Variants in PCDH9 observed in about 807,000 individuals in gnomAD.
PCDH9 encodes protocadherin-9.
Under a neutral mutation model 70.6 loss-of-function variants are expected in PCDH9, and 24 were observed. The observed-to-expected ratio is 0.34, with a 90% CI of 0.25 to 0.48. The LOEUF is 0.48. Ranked by LOEUF, PCDH9 falls within the 20% of genes least tolerant of loss-of-function variation. PCDH9 has a pLI of 0.99. For missense variants in PCDH9, 1,281 were observed against 1,503.6 expected (o/e 0.85, Z 2.45); for synonymous variants, 562 against 558.5 (o/e 1.01, Z -0.09).
At chr13:67,220,833 A>G (rs1363554510) in intron 2 of PCDH9, 1 of 152,128 alleles carries the variant, frequency 6.6e-6, no homozygotes, top group African/African-American at 2.4e-5. Flanking sequence ...GTTATTAGCA[A>G]TGGAAGGCCA....
chr13:66,805,937 C>CAAA (rs2080402931), intron 3 of PCDH9, among the ~76,000 whole-genome samples: 2 of 151,602 alleles, frequency 1.3e-5, no homozygotes, highest in African/African-American at 4.9e-5. Context: ...CTCAGTAAAC[C>CAAA]ATCAATCAAC....
At chr13:66,540,695 C>G (rs1450119761) in intron 4 of PCDH9, among the ~76,000 whole-genome samples, 1 of 152,030 alleles carries the variant, frequency 6.6e-6, no homozygotes, top group African/African-American at 2.4e-5. Flanking sequence ...ACTGGTTGAC[C>G]CCCTTTGGGC....
At chr13:66,742,148 T>G (rs10459391) in intron 3 of PCDH9, among the ~76,000 whole-genome samples, 9,799 of 49,056 alleles carry the variant, frequency 0.2, 1,122 homozygotes, top group East Asian at 0.34. Flanking sequence ...AACAGAGATA[T>G]AGATCAATGG....
chr13:67,167,396 A>G (rs1328429899), intron 2 of PCDH9, among the ~76,000 whole-genome samples: 8 of 152,214 alleles, frequency 5.3e-5, no homozygotes, highest in Admixed American at 4.6e-4. Context: ...ATAAAAATCC[A>G]TAAGGATACT....
chr13:66,589,779 A>C (rs2077015386), intron 4 of PCDH9, among the ~76,000 whole-genome samples: 1 of 152,048 alleles, frequency 6.6e-6, no homozygotes, highest in Non-Finnish European at 1.5e-5. Flanking sequence ...ATAATACTGC[A>C]GTTGATTGAA....
At chr13:66,742,606 C>G (rs2079284420) in intron 3 of PCDH9, among the ~76,000 whole-genome samples, 1 of 129,406 alleles carries the variant, frequency 7.7e-6, no homozygotes, top group Non-Finnish European at 1.6e-5. Context: ...TGACAAAGGG[C>G]TAATATCCAG....
chr13:67,042,687 T>C (rs958577129), intron 2 of PCDH9, among the ~76,000 whole-genome samples: 1 of 152,192 alleles, frequency 6.6e-6, no homozygotes, highest in Non-Finnish European at 1.5e-5. Context: ...ATATTGCTTG[T>C]CTATTATGCA....
At chr13:67,019,048 A>C in intron 2 of PCDH9, among the ~76,000 whole-genome samples, 1 of 152,080 alleles carries the variant, frequency 6.6e-6, no homozygotes, top group East Asian at 1.9e-4. Context: ...TCATGTTATT[A>C]TTTTCTCAGA....
chr13:66,900,934 T>C (rs946054959), intron 3 of PCDH9, among the ~76,000 whole-genome samples: 1 of 151,734 alleles, frequency 6.6e-6, no homozygotes, highest in African/African-American at 2.4e-5. Flanking sequence ...TTAAATATAA[T>C]GAAAAATAAC....
intron 3 of PCDH9, among the ~76,000 whole-genome samples, chr13:66,711,392 CAAA>C (rs5804291): frequency 3.1e-5 from 4 of 128,632 alleles, no homozygotes; most frequent in Admixed American, 7.7e-5. Context: ...AAGAAAATTG[CAAA>C]AAAAAAAAAA....
At chr13:66,784,505 T>C (rs908912309) in intron 3 of PCDH9, among the ~76,000 whole-genome samples, 2 of 152,126 alleles carry the variant, frequency 1.3e-5, no homozygotes, top group African/African-American at 4.8e-5. Context: ...TCTTCAGACT[T>C]AGTTTACGTT....
At chr13:66,892,684 A>G (rs963591797) in intron 3 of PCDH9, among the ~76,000 whole-genome samples, 5 of 152,108 alleles carry the variant, frequency 3.3e-5, no homozygotes, top group African/African-American at 1.2e-4. Context: ...CAAAATCAGG[A>G]AGGCTTTAGG....
intron 3 of PCDH9, among the ~76,000 whole-genome samples, chr13:66,871,511 G>C (rs929095597): frequency 3.0e-4 from 45 of 151,870 alleles, no homozygotes; most frequent in Non-Finnish European, 6.0e-4. Flanking sequence ...TAAAGCATAA[G>C]AATAGTAAGA....
chr13:66,468,135 C>T (rs989603404), intron 4 of PCDH9, among the ~76,000 whole-genome samples: 2 of 151,976 alleles, frequency 1.3e-5, no homozygotes, highest in African/African-American at 4.8e-5. Flanking sequence ...AATTACCTTT[C>T]TTCCCAAGCA....
At chr13:66,563,471 T>G (rs570720245) in intron 4 of PCDH9, among the ~76,000 whole-genome samples, 1 of 152,268 alleles carries the variant, frequency 6.6e-6, no homozygotes, top group East Asian at 1.9e-4. Flanking sequence ...CTATTACAAT[T>G]ACAAATGAGA....
At chr13:67,034,035 A>G (rs1310913670) in intron 2 of PCDH9, among the ~76,000 whole-genome samples, 2 of 152,062 alleles carry the variant, frequency 1.3e-5, no homozygotes, top group Non-Finnish European at 2.9e-5. Flanking sequence ...CTCAGGCTGG[A>G]GTGCAGTGGC....
intron 2 of PCDH9, among the ~76,000 whole-genome samples, chr13:66,916,756 C>G (rs939778016): frequency 6.6e-6 from 1 of 151,462 alleles, no homozygotes; most frequent in Admixed American, 6.6e-5. Context: ...TTCAAAACTA[C>G]AGAATATTAT....
At chr13:66,445,724 CATACACATATATATTATAT>C (rs1232811681) in intron 4 of PCDH9, among the ~76,000 whole-genome samples, 22 of 141,028 alleles carry the variant, frequency 1.6e-4, no homozygotes, top group African/African-American at 3.1e-4. Flanking sequence ...ATATATAATA[CATACACATATATATTATAT>C]ATACACATAT....
rs1417741810 is a variant in PCDH9 at position 66,844,313 on chromosome 13, A to C, written c.3138+59191T>G. 2.6e-5 allele frequency among the ~76,000 whole-genome samples: 4 copies of C among 152,136 alleles called. No homozygotes were observed. The East Asian group carries it at 7.7e-4, about 29-fold the overall frequency. ...TGAAAGTCCCTAAAATTGGCCAGGC[A>C]CAGTGGCTTACTCCTGTAATCTCAG... On this transcript the variant is annotated intron_variant, in intron 3 of 4. Transcript: ENST00000377865.
Sources: gnomAD v4.1 joint callset for allele counts (sites outside exome capture counted in the v4.1 genomes callset) on GRCh38, gnomAD v4.1.1 for gene constraint, MANE v1.5 for transcripts, NCBI Gene and HGNC (gene_info 2026-07-23, HGNC 2026-07-21) for gene names.